GPR173: variants seen among roughly 807,000 people sequenced by gnomAD.
GPR173 encodes probable G protein-coupled receptor 173.
Under a neutral mutation model 13.9 loss-of-function variants are expected in GPR173, and 2 were observed. The ratio of observed to expected loss-of-function variants is 0.14; its 90% CI spans 0.06 to 0.45. The LOEUF is 0.45. Among genes scored for constraint, GPR173 ranks in the 20% least tolerant of loss-of-function variants. The pLI, the probability that GPR173 is intolerant of heterozygous loss-of-function variation, is 0.98. For missense variants in GPR173, 202 were observed against 340.5 expected (o/e 0.59, Z 3.20); for synonymous variants, 131 against 141.0 (o/e 0.93, Z 0.50).
Position 53,079,941 on chromosome X carries a change from G to C in GPR173, c.*2198G>C, listed in dbSNP as rs1455404325. Reference sequence around the variant, plus strand: ...CTCCCTTGGCCCAGGCCCTGAGCACGGGAGGGCTGGGGCCGCCAGGGAACT... The same window carrying C: ...CTCCCTTGGCCCAGGCCCTGAGCACCGGAGGGCTGGGGCCGCCAGGGAACT... On this transcript the variant is annotated 3_prime_UTR_variant, in exon 2 of 2. Transcript: ENST00000332582. 1 of 122,607 alleles carries C rather than the reference G, an allele frequency of 8.2e-6. No individual in the cohort carries two copies. The highest frequency in any genetic ancestry group is 1.9e-5 in the Non-Finnish European group (1 of 53,055). 10.1% of individuals were successfully genotyped at this position (122,607 alleles called of 1,213,427 possible).
intron 1 of GPR173, among the ~76,000 whole-genome samples, chrX:53,060,580 C>CAAA (rs111798225): frequency 1.1e-4 from 7 of 61,571 alleles, no homozygotes; most frequent in African/African-American, 3.0e-4. Flanking sequence ...GACTCCGTCT[C>CAAA]AAAAAAAAAA....
chrX:53,063,297 G>T (rs1399942865), intron 1 of GPR173, among the ~76,000 whole-genome samples: 5 of 110,752 alleles, frequency 4.5e-5, no homozygotes, highest in Non-Finnish European at 7.6e-5. Context: ...ACTTGGGCCT[G>T]CTTGAGCCAC....
intron 1 of GPR173, among the ~76,000 whole-genome samples, chrX:53,059,832 T>C (rs782118852): frequency 3.4e-5 from 3 of 87,577 alleles, no homozygotes; most frequent in Non-Finnish European, 6.9e-5. Flanking sequence ...CTACAAAAAA[T>C]AGAAAAATTA....
At chrX:53,051,387 C>G (rs893152733) in intron 1 of GPR173, among the ~76,000 whole-genome samples, 1 of 110,991 alleles carries the variant, frequency 9.0e-6, no homozygotes, top group African/African-American at 3.3e-5. Flanking sequence ...GGGAGAGGAC[C>G]TGGTCTGTGG....
chrX:53,054,948 T>C (rs1932012569), intron 1 of GPR173, among the ~76,000 whole-genome samples: 1 of 108,728 alleles, frequency 9.2e-6, no homozygotes, highest in African/African-American at 3.4e-5. Context: ...ATAGGGTGTA[T>C]TGTGATGGTG....
At chrX:53,061,396 G>T (rs1390865529) in intron 1 of GPR173, among the ~76,000 whole-genome samples, 1 of 110,955 alleles carries the variant, frequency 9.0e-6, no homozygotes, top group Non-Finnish European at 1.9e-5. Context: ...TGTGCTTATC[G>T]GCTGGTCTGA....
chrX:53,065,987 C>T (rs1932179335), intron 1 of GPR173, among the ~76,000 whole-genome samples: 1 of 110,901 alleles, frequency 9.0e-6, no homozygotes, highest in South Asian at 3.8e-4. Flanking sequence ...GTGATCCCAG[C>T]TATTCAGGAG....
rs1164934803 is a variant in GPR173, at chrX:53,079,745, G to A, written c.*2002G>A. On this transcript the variant is annotated 3_prime_UTR_variant, in exon 2 of 2. Coordinates refer to ENST00000332582, the MANE Select transcript of GPR173 (RefSeq NM_018969.6). ...GCACACACGTAAAATGCCTGTATATGGGGACAGATACAGCACGTGCATGCA... is the reference window on the plus strand; with the variant it reads ...GCACACACGTAAAATGCCTGTATATAGGGACAGATACAGCACGTGCATGCA... 2.6e-5 allele frequency: 3 copies of A among 115,371 alleles called. No homozygotes were observed. The highest frequency in any genetic ancestry group is 1.0e-4 in the Admixed American group (1 of 9,914). 9.5% of individuals were successfully genotyped at this position (115,371 alleles called of 1,213,427 possible).
At chrX:53,067,008 T>C (rs1932192636) in intron 1 of GPR173, among the ~76,000 whole-genome samples, 1 of 111,908 alleles carries the variant, frequency 8.9e-6, no homozygotes, top group African/African-American at 3.2e-5. Context: ...TTCCACAGTA[T>C]TTCAAAGTAT....
At chrX:53,072,388 C>G (rs1932271054) in intron 1 of GPR173, among the ~76,000 whole-genome samples, 1 of 84,743 alleles carries the variant, frequency 1.2e-5, no homozygotes, top group Non-Finnish European at 2.2e-5. Flanking sequence ...CCTTTTCTCT[C>G]TCTTGCTCTC....
chrX:53,061,940 C>T (rs782168798), intron 1 of GPR173, among the ~76,000 whole-genome samples: 1 of 90,959 alleles, frequency 1.1e-5, no homozygotes, highest in East Asian at 3.0e-4. Context: ...CAAGAGAACA[C>T]GCTTTTGCAT....
At chrX:53,070,334 T>C (rs1398566238) in intron 1 of GPR173, among the ~76,000 whole-genome samples, 3 of 111,342 alleles carry the variant, frequency 2.7e-5, no homozygotes, top group African/African-American at 6.5e-5. Flanking sequence ...TTGTGGACCA[T>C]TGCATGTGTG....
At chrX:53,052,943 T>C (rs1285022737) in intron 1 of GPR173, among the ~76,000 whole-genome samples, 1 of 111,467 alleles carries the variant, frequency 9.0e-6, no homozygotes, top group East Asian at 2.8e-4. Context: ...TGTACTTCCA[T>C]GTGTACATGT....
At chrX:53,074,716 T>G (rs1346117750) in intron 1 of GPR173, among the ~76,000 whole-genome samples, 35 of 91,800 alleles carry the variant, frequency 3.8e-4, no homozygotes, top group Non-Finnish European at 4.9e-4. Context: ...TATATTTATA[T>G]TTATTTATTT....
At chrX:53,061,934 A>G (rs1485024850) in intron 1 of GPR173, among the ~76,000 whole-genome samples, 1 of 103,244 alleles carries the variant, frequency 9.7e-6, no homozygotes, top group African/African-American at 3.9e-5. Context: ...GAAAGGCAAG[A>G]GAACACGCTT....
chrX:53,054,825 T>G (rs1932010862), intron 1 of GPR173, among the ~76,000 whole-genome samples: 1 of 109,262 alleles, frequency 9.2e-6, no homozygotes, highest in South Asian at 4.0e-4. Flanking sequence ...GGGTGGAGTA[T>G]GTATATGAGG....
chrX:53,075,022 C>T (rs955971079), intron 1 of GPR173, among the ~76,000 whole-genome samples: 4 of 103,943 alleles, frequency 3.8e-5, no homozygotes, highest in South Asian at 4.3e-4. Context: ...AGAATCCTCC[C>T]GTGACTCCCA....
intron 1 of GPR173, among the ~76,000 whole-genome samples, chrX:53,057,252 A>C (rs1270573195): frequency 1.8e-5 from 2 of 109,605 alleles, no homozygotes; most frequent in African/African-American, 3.3e-5. Context: ...CCCTGTCTCT[A>C]CTAAAAATAC....
At chrX:53,062,934 T>C (rs943504909) in intron 1 of GPR173, among the ~76,000 whole-genome samples, 42 of 111,957 alleles carry the variant, frequency 3.8e-4, no homozygotes, top group African/African-American at 1.4e-3. Context: ...GCCCTGCCCC[T>C]ATGGCTTTGC....
Sources: gnomAD v4.1 joint callset for allele counts (sites outside exome capture counted in the v4.1 genomes callset) on GRCh38, gnomAD v4.1.1 for gene constraint, MANE v1.5 for transcripts, NCBI Gene and HGNC (gene_info 2026-07-23, HGNC 2026-07-21) for gene names.